The following EXPH5 variants were observed in gnomAD, a reference collection of about 807,000 sequenced individuals.
EXPH5 encodes exophilin 5, also known as exophilin-5.
EXPH5 carries 42 observed loss-of-function variants against 41.1 expected under a neutral mutation model. The observed-to-expected ratio is 1.02, with a 90% CI of 0.80 to 1.32. The LOEUF is 1.32. Among genes scored for constraint, EXPH5 ranks in the 40% most tolerant of loss-of-function variants. The probability of loss-of-function intolerance (pLI) is 0.00; values close to 1 mark genes in which losing one functional copy is unlikely to be tolerated. For missense variants in EXPH5, 2,298 were observed against 2,314.5 expected (o/e 0.99, Z 0.15); for synonymous variants, 798 against 833.5 (o/e 0.96, Z 0.73).
intron 1 of EXPH5, among the ~76,000 whole-genome samples, chr11:108,548,109 TAAA>T (rs66485994): frequency 0.014 from 1,515 of 108,174 alleles, 42 homozygotes; most frequent in African/African-American, 0.05. Flanking sequence ...ACTTCATCTT[TAAA>T]AAAAAAAAAA....
intron 1 of EXPH5, among the ~76,000 whole-genome samples, chr11:108,562,265 GT>G (rs35527615): frequency 0.18 from 18,612 of 104,354 alleles, 881 homozygotes; most frequent in African/African-American, 0.27. Flanking sequence ...TTTTTTCTGT[GT>G]TTTTTTTTTT....
chr11:108,524,975 A>G lies in EXPH5; in HGVS notation c.492+3161T>C, dbSNP rs147778449. Among the ~76,000 whole-genome samples, 382 of 152,132 alleles carry G rather than the reference A, an allele frequency of 2.5e-3. 1 individual carries two copies. Among genetic ancestry groups the G allele is most frequent in the Non-Finnish European group, 4.2e-3 (283 of 67,980 alleles). On this transcript the variant is annotated intron_variant, in intron 4 of 5. Transcript: ENST00000265843. ...ATAATTCCCACGTGTTGTGGGAGGG[A>G]CCCAGTGGGCGATGACTGAATCACG...
rs746651616 is a variant in EXPH5, at chr11:108,511,205, A to G, written c.4302T>C (p.Asn1434=). 13 of 1,613,228 alleles carry G rather than the reference A, an allele frequency of 8.1e-6. No homozygotes were observed. The highest frequency in any genetic ancestry group is 1.1e-5 in the Non-Finnish European group (13 of 1,179,854). The part of the protein sequence containing the change: ...PSSLPALSEV[N]IGNSQTRRSS... ...TTCTTCTAGTTTGGGAATTTCCAATATTAACTTCTGAAAGAGCTGGAAGAC... is the reference window on the plus strand; with the variant it reads ...TTCTTCTAGTTTGGGAATTTCCAATGTTAACTTCTGAAAGAGCTGGAAGAC... The change falls in exon 6 of 6, where the codon AAT becomes AAC. Residue 1434 remains asparagine, a synonymous_variant. Coordinates refer to ENST00000265843, the MANE Select transcript of EXPH5 (RefSeq NM_015065.3).
chr11:108,598,412 G>A (rs2094141631), upstream of EXPH5, among the ~76,000 whole-genome samples: 1 of 152,132 alleles, frequency 6.6e-6, no homozygotes, highest in Admixed American at 6.5e-5. Flanking sequence ...GAAATGCAGA[G>A]GCACCAAGGC....
At chr11:108,578,308 A>T (rs947347119) in intron 1 of EXPH5, among the ~76,000 whole-genome samples, 2 of 152,054 alleles carry the variant, frequency 1.3e-5, no homozygotes, top group Non-Finnish European at 2.9e-5. Flanking sequence ...TCCCCATTGT[A>T]TATTCTTGGC....
At chr11:108,570,240 T>TTTTATTATTTA (rs56680728) in intron 1 of EXPH5, among the ~76,000 whole-genome samples, 227 of 152,002 alleles carry the variant, frequency 1.5e-3, no homozygotes, top group African/African-American at 3.3e-3. Context: ...TTTATTATTT[T>TTTTATTATTTA]AAAAAATAAA....
In EXPH5 at chr11:108,509,659, A is replaced by G; in HGVS notation, c.5848T>C (p.Leu1950=). ...SPSSQVPEDG[L]SPSEPLNIYE... ...ATATTAAGCGGTTCACTTGGAGATAAGCCATCTTCTGGCACCTGACTACTG... is the reference window on the plus strand; with the variant it reads ...ATATTAAGCGGTTCACTTGGAGATAGGCCATCTTCTGGCACCTGACTACTG... The change falls in exon 6 of 6, where the codon TTA becomes CTA. Residue 1950 remains leucine (L), a synonymous_variant. Coordinates refer to ENST00000265843, the MANE Select transcript of EXPH5 (RefSeq NM_015065.3). 1 of 1,614,048 alleles carries G rather than the reference A, an allele frequency of 6.2e-7. No individual in the cohort carries two copies. Among genetic ancestry groups the G allele is most frequent in the Non-Finnish European group, 8.5e-7 (1 of 1,179,982 alleles).
chr11:108,530,765 G>T (rs1282278318), intron 3 of EXPH5, among the ~76,000 whole-genome samples: 1 of 152,214 alleles, frequency 6.6e-6, no homozygotes, highest in Non-Finnish European at 1.5e-5. Context: ...GCCAGAGGGT[G>T]CCTGGAGCAC....
In EXPH5 at chr11:108,560,184, A is replaced by G. The variant is rs146336345; in HGVS notation, c.120-18372T>C. On this transcript the variant is annotated intron_variant, in intron 1 of 5. Transcript: ENST00000265843. The stretch of plus-strand genomic sequence containing the variant: ...GAATCTACTGCTCTTGGTTCCCATC[A>G]GGGATAGTGGAGGTTCAGAGAGTCC... 3.5e-3 allele frequency among the ~76,000 whole-genome samples: 533 copies of G among 152,362 alleles called. 2 individuals are homozygous for G. The highest frequency in any genetic ancestry group is 0.012 in the African/African-American group (483 of 41,586).
chr11:108,575,846 T>A (rs2094077965), intron 1 of EXPH5, among the ~76,000 whole-genome samples: 1 of 152,140 alleles, frequency 6.6e-6, no homozygotes, highest in Non-Finnish European at 1.5e-5. Flanking sequence ...TGGTGGCACA[T>A]GCCTGTAGTT....
intron 1 of EXPH5, among the ~76,000 whole-genome samples, chr11:108,588,165 A>T (rs541656906): frequency 6.6e-6 from 1 of 152,368 alleles, no homozygotes; most frequent in East Asian, 1.9e-4. Context: ...AGTCTTCCTT[A>T]TAGAATGCAT....
At chr11:108,555,402 C>T (rs2093985367) in intron 1 of EXPH5, among the ~76,000 whole-genome samples, 1 of 152,178 alleles carries the variant, frequency 6.6e-6, no homozygotes, top group Non-Finnish European at 1.5e-5. Context: ...ATTTATTGAG[C>T]ATTTACTATA....
At chr11:108,578,759 A>G (rs1258590099) in intron 1 of EXPH5, among the ~76,000 whole-genome samples, 1 of 152,006 alleles carries the variant, frequency 6.6e-6, no homozygotes, top group Admixed American at 6.6e-5. Flanking sequence ...TCTTTGGTTA[A>G]GTTTATTCCT....
Position 108,514,685 on chromosome 11 carries a change from G to C in EXPH5, c.822C>G (p.Ile274Met). 6.2e-7 allele frequency: 1 copy of C among 1,601,974 alleles called. No individual in the cohort carries two copies. Among genetic ancestry groups the C allele is most frequent in the South Asian group, 1.1e-5 (1 of 88,176 alleles). Residue 274 changes from isoleucine (I) to methionine (M), a missense_variant, in exon 6 of 6, where the codon ATC becomes ATG. Physicochemically the swap from Ile to Met is conservative, Grantham distance 10 (BLOSUM62 1). Coordinates refer to ENST00000265843, the MANE Select transcript of EXPH5 (RefSeq NM_015065.3). ...NETSNMSIYD[I>M]LRPGTPREGF... ...CTTCCCTAGGAGTTCCTGGTCTTAG[G>C]ATGTCATAGATAGACATATTGGAAG...
At chr11:108,570,532 G>A (rs2094055610) in intron 1 of EXPH5, among the ~76,000 whole-genome samples, 1 of 152,162 alleles carries the variant, frequency 6.6e-6, no homozygotes, top group Admixed American at 6.5e-5. Flanking sequence ...TGGGATTACA[G>A]GTGTGAGCCA....
rs146764322 is a variant in EXPH5 at position 108,541,499 on chromosome 11, T to TA, written c.280+152dup. ...AAAATTTCAGTTCACTTTTTTTTTT[T>TA]AGTGTATATTGTATTATAAACTTTT... On this transcript the variant is annotated intron_variant, in intron 2 of 5. Coordinates refer to ENST00000265843, the MANE Select transcript of EXPH5 (RefSeq NM_015065.3). Among the ~76,000 whole-genome samples, 9 of 151,932 alleles carry TA rather than the reference T, an allele frequency of 5.9e-5. No homozygotes were observed. The South Asian group carries it at 6.2e-4, about 11-fold the overall frequency.
At chr11:108,545,360 A>G (rs1460549994) in intron 1 of EXPH5, among the ~76,000 whole-genome samples, 2 of 152,178 alleles carry the variant, frequency 1.3e-5, no homozygotes, top group Admixed American at 6.6e-5. Flanking sequence ...AAGGCCGCCT[A>G]TGGTGCAAAT....
Position 108,593,653 on chromosome 11 carries a change from C to A in EXPH5, c.-117G>T. 1 of 1,583,168 alleles carries A rather than the reference C, an allele frequency of 6.3e-7. No individual in the cohort carries two copies. Among genetic ancestry groups the A allele is most frequent in the East Asian group, 2.3e-5 (1 of 44,108 alleles). ...TTGATCCCACAGCCAATAATAAGTC[C>A]GCCCCTTTGAAAGTCTAAAACCACA... On this transcript the variant is annotated 5_prime_UTR_variant, in exon 1 of 6. Coordinates refer to ENST00000265843, the MANE Select transcript of EXPH5 (RefSeq NM_015065.3).
intron 3 of EXPH5, among the ~76,000 whole-genome samples, chr11:108,536,544 C>T (rs539243437): frequency 2.6e-5 from 4 of 152,322 alleles, no homozygotes; most frequent in South Asian, 2.1e-4. Context: ...GGATTACAGG[C>T]GTGAGCCGTC....
Sources: gnomAD v4.1 joint callset for allele counts (sites outside exome capture counted in the v4.1 genomes callset) on GRCh38, gnomAD v4.1.1 for gene constraint, MANE v1.5 for transcripts, NCBI Gene and HGNC (gene_info 2026-07-23, HGNC 2026-07-21) for gene names.